Variants in CDH4 observed in about 807,000 individuals in gnomAD.
CDH4 encodes the protein cadherin 4, also known as cadherin-4.
CDH4 carries 33 observed loss-of-function variants against 86.0 expected under a neutral mutation model. The observed-to-expected ratio is 0.38, with a 90% CI of 0.29 to 0.51. The LOEUF (loss-of-function observed/expected upper bound fraction) is 0.51. Ranked by LOEUF, CDH4 falls within the 20% of genes least tolerant of loss-of-function variation. CDH4 has a pLI of 0.86. For synonymous variants in CDH4, 555 were observed against 549.4 expected, an observed-to-expected ratio of 1.01 and a Z score of -0.14; for missense variants, 1,114 against 1,307.4, an observed-to-expected ratio of 0.85 and a Z score of 2.28.
intron 2 of CDH4, among the ~76,000 whole-genome samples, chr20:61,431,226 A>C (rs1490559994): frequency 6.6e-6 from 1 of 152,092 alleles, no homozygotes; most frequent in African/African-American, 2.4e-5. Flanking sequence ...AACAAGACAA[A>C]ACCCTGCCTC....
At chr20:61,739,030 G>A (rs925711193) in intron 2 of CDH4, 2 of 152,360 alleles carry the variant, frequency 1.3e-5, no homozygotes, top group Non-Finnish European at 2.9e-5. Flanking sequence ...GTAGGTGTTT[G>A]CTGGTACATC....
intron 6 of CDH4, among the ~76,000 whole-genome samples, chr20:61,856,488 C>T (rs1451848601): frequency 2.0e-5 from 3 of 150,100 alleles, no homozygotes; most frequent in Non-Finnish European, 4.4e-5. Flanking sequence ...TCCCCAGCCC[C>T]CCAGGATCCA....
At chr20:61,437,123 G>A (rs2085287648) in intron 2 of CDH4, 1 of 152,234 alleles carries the variant, frequency 6.6e-6, no homozygotes, top group African/African-American at 2.4e-5. Flanking sequence ...ACCGTAGAAA[G>A]GAAAATGCGT....
At chr20:61,271,625 C>T (rs1250845964) in intron 2 of CDH4, among the ~76,000 whole-genome samples, 1 of 152,210 alleles carries the variant, frequency 6.6e-6, no homozygotes, top group Non-Finnish European at 1.5e-5. Context: ...ATCTCCCACG[C>T]TCTCCCCCGG....
At chr20:61,839,415 C>T (rs984295670) in intron 4 of CDH4, among the ~76,000 whole-genome samples, 28 of 148,390 alleles carry the variant, frequency 1.9e-4, no homozygotes, top group East Asian at 1.8e-3. Context: ...TGCATGTGTG[C>T]GTGTGTGTGT....
intron 2 of CDH4, among the ~76,000 whole-genome samples, chr20:61,406,785 C>T (rs546067012): frequency 2.0e-5 from 3 of 147,720 alleles, no homozygotes; most frequent in Admixed American, 1.3e-4. Flanking sequence ...TCTGCCCAGA[C>T]CACCGTGTGC....
Position 61,810,850 on chromosome 20 carries a change from C to T in CDH4, c.577-33818C>T, listed in dbSNP as rs1346719934. Among the ~76,000 whole-genome samples, 1 of 152,204 alleles carries T rather than the reference C, an allele frequency of 6.6e-6. No homozygotes were observed. Among genetic ancestry groups the T allele is most frequent in the Non-Finnish European group, 1.5e-5 (1 of 68,048 alleles). ...CAGCTGCTCAACAGAGCCACTGCCC[C>T]TTGGCCCGGCTTCTCCAGAACGCAG... On this transcript the variant is annotated intron_variant, in intron 4 of 15. Coordinates refer to ENST00000614565, the MANE Select transcript of CDH4 (RefSeq NM_001794.5). The surrounding 1 kb of genome is among the most constrained non-coding windows in gnomAD (Gnocchi z 4.3).
chr20:61,691,226 C>T (rs902574206), intron 2 of CDH4, among the ~76,000 whole-genome samples: 9 of 152,020 alleles, frequency 5.9e-5, no homozygotes. Flanking sequence ...TCCCAGGACT[C>T]GGGGAAGCAA....
chr20:61,254,267 C>T (rs147309464), intron 1 of CDH4, among the ~76,000 whole-genome samples: 1 of 152,336 alleles, frequency 6.6e-6, no homozygotes, highest in Admixed American at 6.5e-5. Context: ...CCGGCAGCCT[C>T]CCGCAGAGCT....
chr20:61,548,758 C>T (rs1006306655), intron 2 of CDH4, among the ~76,000 whole-genome samples: 41 of 152,046 alleles, frequency 2.7e-4, no homozygotes, highest in African/African-American at 9.9e-4. Context: ...ACAGGTACAC[C>T]GTGACCATTA....
At position 61,754,224 on chromosome 20, in the gene CDH4, C is replaced by G. The variant is rs1387424613; in HGVS notation, c.396+10435C>G. On this transcript the variant is annotated intron_variant, in intron 3 of 15. Transcript: ENST00000614565. The surrounding 1 kb of genome is among the most constrained non-coding windows in gnomAD (Gnocchi z 4.7). ...AGCTGTTAAGGGAATAAATCTCTGT[C>G]TCAGCCCACTGGCTTGTGGACCAGA... is the stretch of plus-strand genomic sequence containing the variant. 1.3e-5 allele frequency among the ~76,000 whole-genome samples: 2 copies of G among 152,300 alleles called. No homozygotes were observed. The highest frequency in any genetic ancestry group is 2.9e-5 in the Non-Finnish European group (2 of 68,018).
chr20:61,444,565 G>A (rs1435708475), intron 2 of CDH4, among the ~76,000 whole-genome samples: 2 of 151,740 alleles, frequency 1.3e-5, no homozygotes, highest in African/African-American at 2.4e-5. Context: ...GTGTCTTTGT[G>A]TACATCTGTG....
chr20:61,470,388 G>A (rs888127772), intron 2 of CDH4, among the ~76,000 whole-genome samples: 2 of 146,938 alleles, frequency 1.4e-5, no homozygotes, highest in Non-Finnish European at 1.5e-5. Context: ...TGTTGATTTT[G>A]TATCCTGCAA....
intron 2 of CDH4, among the ~76,000 whole-genome samples, chr20:61,563,134 A>G (rs1344646166): frequency 6.6e-6 from 1 of 151,086 alleles, no homozygotes; most frequent in Non-Finnish European, 1.5e-5. Flanking sequence ...AGAGTCCGGA[A>G]CAACCTCTCT....
At chr20:61,596,533 A>G (rs988893213) in intron 2 of CDH4, among the ~76,000 whole-genome samples, 1 of 152,188 alleles carries the variant, frequency 6.6e-6, no homozygotes, top group Admixed American at 6.5e-5. Context: ...CTGGTCCCCA[A>G]TGTCTGTAAG....
chr20:61,722,509 C>T (rs966753823), intron 2 of CDH4, among the ~76,000 whole-genome samples: 1 of 152,216 alleles, frequency 6.6e-6, no homozygotes, highest in Non-Finnish European at 1.5e-5. Context: ...TGCATCCCCC[C>T]AGGAGGGGCC....
At chr20:61,528,880 G>C in intron 2 of CDH4, among the ~76,000 whole-genome samples, 1 of 149,492 alleles carries the variant, frequency 6.7e-6, no homozygotes, top group South Asian at 2.1e-4. Context: ...CCAGTGCACC[G>C]CCCTTGTCCC....
intron 4 of CDH4, among the ~76,000 whole-genome samples, chr20:61,812,372 G>A (rs1980485331): frequency 6.6e-6 from 1 of 152,122 alleles, no homozygotes; most frequent in African/African-American, 2.4e-5. Flanking sequence ...GGGCTGCCAT[G>A]GGCCAAGGGC....
At chr20:61,581,781 C>T (rs538461263) in intron 2 of CDH4, among the ~76,000 whole-genome samples, 10 of 152,320 alleles carry the variant, frequency 6.6e-5, no homozygotes, top group African/African-American at 1.9e-4. Flanking sequence ...AGGACATGGA[C>T]ACCTTTAGGG....
Sources: allele counts gnomAD v4.1 joint callset (sites outside exome capture counted in the v4.1 genomes callset), GRCh38; gene constraint gnomAD v4.1.1; non-coding constraint Gnocchi (gnomAD v3.1); transcripts MANE v1.5; gene names NCBI Gene and HGNC (gene_info 2026-07-23, HGNC 2026-07-21).